The following PCDHGA10 variants were observed in gnomAD, a reference collection of about 807,000 sequenced individuals.
The protein encoded by PCDHGA10 is protocadherin gamma-A10.
A neutral mutation model predicts 59.5 loss-of-function variants in PCDHGA10; 42 were observed. The observed-to-expected ratio is 0.71, with a 90% CI of 0.55 to 0.91. The LOEUF (loss-of-function observed/expected upper bound fraction) is 0.91, where lower values mean the gene tolerates loss of function less well. Among genes scored for constraint, PCDHGA10 ranks in the 40% least tolerant of loss-of-function variants. The pLI is 0.00. For synonymous variants in PCDHGA10, 511 were observed against 517.2 expected (o/e 0.99, Z 0.16); for missense variants, 1,111 against 1,198.2 (o/e 0.93, Z 1.07).
Position 141,490,809 on chromosome 5 carries a change from C to T in PCDHGA10, c.2437-3998C>T. On this transcript the variant is annotated intron_variant, in intron 1 of 3. Transcript: ENST00000398610. The surrounding 1 kb of genome is among the most constrained non-coding windows in gnomAD (Gnocchi z 5.4). Reference sequence around the variant, plus strand: ...GGATCTTTGCCCAGCGTACCTTTGACTATGAATTGCTGCAGATGCTGCAGA... The same window carrying T: ...GGATCTTTGCCCAGCGTACCTTTGATTATGAATTGCTGCAGATGCTGCAGA... 2 of 1,613,954 alleles carry T rather than the reference C, an allele frequency of 1.2e-6. No individual in the cohort carries two copies. Among genetic ancestry groups the T allele is most frequent in the South Asian group, 2.2e-5 (2 of 91,076 alleles).
In PCDHGA10 at chr5:141,490,084, G is replaced by A. The variant is rs772917260; in HGVS notation, c.2437-4723G>A. The A allele has an allele frequency of 4.3e-6, 7 of 1,614,104 alleles. No individual in the cohort carries two copies. ...CAACGGCCAACTAGACTATTCTTTT[G>A]GAGACCACACATCTGAGGCAGTGCG... On this transcript the variant is annotated intron_variant, in intron 1 of 3. Transcript: ENST00000398610. The surrounding 1 kb of genome is among the most constrained non-coding windows in gnomAD (Gnocchi z 5.4).
chr5:141,465,348 A>G (rs886810999), intron 1 of PCDHGA10, among the ~76,000 whole-genome samples: 2 of 152,158 alleles, frequency 1.3e-5, no homozygotes, highest in African/African-American at 4.8e-5. Flanking sequence ...GTTACTGAAG[A>G]AAAAATGGGT....
At position 141,490,181 on chromosome 5, in the gene PCDHGA10, G is replaced by A. The variant is rs755899660; in HGVS notation, c.2437-4626G>A. ...GGTCCCATAGACTTTGAGGAGTCACGTTTCTATGAAATTCATGCAAGAGCC... is the reference window on the plus strand; with the variant it reads ...GGTCCCATAGACTTTGAGGAGTCACATTTCTATGAAATTCATGCAAGAGCC... On this transcript the variant is annotated intron_variant, in intron 1 of 3. Coordinates refer to ENST00000398610, the MANE Select transcript of PCDHGA10 (RefSeq NM_018913.3). This position sits in a 1 kb window ranked among gnomAD's most constrained non-coding sequence, Gnocchi z 5.4. The A allele has an allele frequency of 9.9e-6, 16 of 1,614,200 alleles. No homozygotes were observed. Among genetic ancestry groups the A allele is most frequent in the Middle Eastern group, 1.6e-4 (1 of 6,062 alleles).
intron 1 of PCDHGA10, among the ~76,000 whole-genome samples, chr5:141,484,096 G>T (rs539388257): frequency 6.6e-6 from 1 of 152,244 alleles, no homozygotes; most frequent in Non-Finnish European, 1.5e-5. Flanking sequence ...GTCTTCGTTG[G>T]TAATTAACAA....
Position 141,512,423 on chromosome 5 carries a change from T to C in PCDHGA10, c.*1250T>C, listed in dbSNP as rs2099884220. ...GATGGGGCTTCTTCAACAGGGCCCC[T>C]GCCCTCCTGAAGCCTCAGTCCTTCA... is the stretch of plus-strand genomic sequence containing the variant. On this transcript the variant is annotated 3_prime_UTR_variant, in exon 4 of 4. Transcript: ENST00000398610. 1 of 152,754 alleles carries C rather than the reference T, an allele frequency of 6.5e-6. No individual in the cohort carries two copies. The highest frequency in any genetic ancestry group is 6.5e-5 in the Admixed American group (1 of 15,274). The allele number at this position is 152,754 out of a possible 1,614,324, so 9.5% of individuals were successfully genotyped here.
rs2154594676 is a variant in PCDHGA10, at chr5:141,511,333, G to A, written c.*160G>A. 6.9e-7 allele frequency: 1 copy of A among 1,441,948 alleles called. No homozygotes were observed. Among genetic ancestry groups the A allele is most frequent in the Non-Finnish European group, 9.2e-7 (1 of 1,085,894 alleles). The allele number at this position is 1,441,948 out of a possible 1,614,324, so 89.3% of individuals were successfully genotyped here. On this transcript the variant is annotated 3_prime_UTR_variant, in exon 4 of 4. Transcript: ENST00000398610. Reference sequence around the variant, plus strand: ...GGAAACAGAAACAAGTGCCCAGTCAGCACCTACCCCTTCCCCCCCAGGGGG... The same window carrying A: ...GGAAACAGAAACAAGTGCCCAGTCAACACCTACCCCTTCCCCCCCAGGGGG...
intron 1 of PCDHGA10, among the ~76,000 whole-genome samples, chr5:141,435,017 C>T (rs1477938779): frequency 1.3e-5 from 2 of 151,994 alleles, no homozygotes; most frequent in Middle Eastern, 3.2e-3. Flanking sequence ...AATGATAATG[C>T]TCTTTTCCCA....
In PCDHGA10 at chr5:141,431,048, A is replaced by G; in HGVS notation, c.2436+15437A>G. The G allele has an allele frequency of 6.2e-7, 1 of 1,614,180 alleles. No homozygotes were observed. Among genetic ancestry groups the G allele is most frequent in the Non-Finnish European group, 8.5e-7 (1 of 1,180,018 alleles). The stretch of plus-strand genomic sequence containing the variant: ...CAGGATAGACCGGGAGGAGCTCTGT[A>G]TGGGGGCCATCAAGTGTCAATTAAA... On this transcript the variant is annotated intron_variant, in intron 1 of 3. Coordinates refer to ENST00000398610, the MANE Select transcript of PCDHGA10 (RefSeq NM_018913.3). This position sits in a 1 kb window ranked among gnomAD's most constrained non-coding sequence, Gnocchi z 4.8.
chr5:141,479,625 T>C (rs2099501262), intron 1 of PCDHGA10: 1 of 152,228 alleles, frequency 6.6e-6, no homozygotes, highest in Non-Finnish European at 1.5e-5. Flanking sequence ...ACCATGTCTC[T>C]TTAACAATAA....
chr5:141,429,390 A>T (rs556289214), intron 1 of PCDHGA10, among the ~76,000 whole-genome samples: 3,394 of 150,296 alleles, frequency 0.023, 54 homozygotes, highest in South Asian at 0.043. Context: ...TTTTTTTTAA[A>T]AAAAATTGAG....
rs779651957 is a variant in PCDHGA10, at chr5:141,431,167, T to G, written c.2436+15556T>G. 2 of 1,614,118 alleles carry G rather than the reference T, an allele frequency of 1.2e-6. No individual in the cohort carries two copies. Among genetic ancestry groups the G allele is most frequent in the Non-Finnish European group, 1.7e-6 (2 of 1,180,014 alleles). The stretch of plus-strand genomic sequence containing the variant: ...ACAATGCGCCTTACTTTCGTGAAAG[T>G]GAATTAGAAATAAAAATTAGTGAAA... On this transcript the variant is annotated intron_variant, in intron 1 of 3. Transcript: ENST00000398610. The surrounding 1 kb of genome is among the most constrained non-coding windows in gnomAD (Gnocchi z 4.8).
intron 2 of PCDHGA10, among the ~76,000 whole-genome samples, chr5:141,503,166 A>T (rs1246987375): frequency 1.3e-5 from 2 of 151,884 alleles, no homozygotes; most frequent in Admixed American, 1.3e-4. Context: ...CACAATTGCA[A>T]TTACTCTATT....
rs1435700383 is a variant in PCDHGA10, at chr5:141,414,289, C to T, written c.1114C>T (p.Leu372Phe). The T allele has an allele frequency of 6.2e-7, 1 of 1,613,394 alleles. No homozygotes were observed. Among genetic ancestry groups the T allele is most frequent in the African/African-American group, 1.3e-5 (1 of 74,878 alleles). Residue 372 changes from leucine to phenylalanine, a missense_variant, in exon 1 of 4, where the codon CTT (leucine) becomes TTT (phenylalanine). By Grantham distance (22) the Leu-to-Phe change is conservative. Coordinates refer to ENST00000398610, the MANE Select transcript of PCDHGA10 (RefSeq NM_018913.3). ...TTCACCTCTGGGAACAGTCGTAGCC[C>T]TTTTAAATGTGCATGATTTAGACTC... ...EDSPLGTVVA[L>F]LNVHDLDSEQ...
chr5:141,443,392 T>C (rs151260637), intron 1 of PCDHGA10, among the ~76,000 whole-genome samples: 1,653 of 151,736 alleles, frequency 0.011, 7 homozygotes, highest in Middle Eastern at 0.038. Flanking sequence ...GGCTGAGGTG[T>C]GAGGATCACC....
rs896091511 is a variant in PCDHGA10 at position 141,413,352 on chromosome 5, G to A, written c.177G>A (p.Ala59=). ...ACATCTCCAAGGACTTGGGTCTGGC[G>A]CCCCGGGAGCTGGCGGAGCGCGGAG... ...VGNISKDLGL[A]PRELAERGVR... The change falls in exon 1 of 4, where the codon GCG becomes GCA. Residue 59 remains alanine, a synonymous_variant. Transcript: ENST00000398610. The A allele has an allele frequency of 6.2e-7, 1 of 1,613,976 alleles. No homozygotes were observed. Among genetic ancestry groups the A allele is most frequent in the African/African-American group, 1.3e-5 (1 of 75,070 alleles).
intron 1 of PCDHGA10, among the ~76,000 whole-genome samples, chr5:141,430,066 G>A (rs550834063): frequency 4.1e-4 from 62 of 152,102 alleles, no homozygotes; most frequent in Non-Finnish European, 8.4e-4. Flanking sequence ...TCATTTTTAG[G>A]TTTCCATAAT....
At position 141,490,591 on chromosome 5, in the gene PCDHGA10, G is replaced by A; in HGVS notation, c.2437-4216G>A. 1 of 1,614,100 alleles carries A rather than the reference G, an allele frequency of 6.2e-7. No homozygotes were observed. Among genetic ancestry groups the A allele is most frequent in the African/African-American group, 1.3e-5 (1 of 75,016 alleles). ...CAACATTTCAGATGTCAATGACAAT[G>A]CACCCCGCTTCAACCAGCAGCTTTA... On this transcript the variant is annotated intron_variant, in intron 1 of 3. Coordinates refer to ENST00000398610, the MANE Select transcript of PCDHGA10 (RefSeq NM_018913.3). This position sits in a 1 kb window ranked among gnomAD's most constrained non-coding sequence, Gnocchi z 5.4.
intron 1 of PCDHGA10, among the ~76,000 whole-genome samples, chr5:141,445,531 C>A (rs1476079791): frequency 6.6e-6 from 1 of 152,136 alleles, no homozygotes; most frequent in Non-Finnish European, 1.5e-5. Flanking sequence ...TGATAAAAGC[C>A]AACAAGGAGA....
chr5:141,433,255 A>G (rs2097579829), intron 1 of PCDHGA10: 2 of 1,401,470 alleles, frequency 1.4e-6, no homozygotes, highest in South Asian at 1.4e-5. Context: ...ATGCAGCGGT[A>G]CGATCATAGC....
Sources: gnomAD v4.1 joint callset for allele counts (sites outside exome capture counted in the v4.1 genomes callset) on GRCh38, gnomAD v4.1.1 for gene constraint, Gnocchi (gnomAD v3.1) non-coding constraint, MANE v1.5 for transcripts, NCBI Gene and HGNC (gene_info 2026-07-23, HGNC 2026-07-21) for gene names.